TNS1: variants seen among roughly 807,000 people sequenced by gnomAD.
TNS1 encodes the protein tensin-1.
TNS1 carries 62 observed loss-of-function variants against 168.6 expected under a neutral mutation model. The observed-to-expected ratio is 0.37, with a 90% CI of 0.30 to 0.45. TNS1 has a LOEUF of 0.45. Among genes scored for constraint, TNS1 ranks in the 20% least tolerant of loss-of-function variants. TNS1 has a pLI of 1.00. For missense variants in TNS1, 2,240 were observed against 2,339.4 expected (o/e 0.96, Z 0.88); for synonymous variants, 934 against 933.2 (o/e 1.00, Z -0.02).
At chr2:217,982,487 T>G (rs1958081052) in intron 2 of TNS1, among the ~76,000 whole-genome samples, 1 of 150,158 alleles carries the variant, frequency 6.7e-6, no homozygotes, top group African/African-American at 2.5e-5. Flanking sequence ...CACTGCAATC[T>G]CCATCTACCA....
chr2:217,957,050 C>T (rs1957382712), intron 3 of TNS1, among the ~76,000 whole-genome samples: 1 of 152,186 alleles, frequency 6.6e-6, no homozygotes, highest in Admixed American at 6.5e-5. Flanking sequence ...GCAATGAAAG[C>T]ACAGGCTGGG....
At chr2:217,920,272 T>A (rs987882893) in intron 3 of TNS1, 36 bp from the exon 4 acceptor site, 1 of 702,748 alleles carries the variant, frequency 1.4e-6, no homozygotes, top group African/African-American at 1.7e-5. Flanking sequence ...GGTGAGCATA[T>A]CTTGTCTCTA....
intron 3 of TNS1, among the ~76,000 whole-genome samples, chr2:217,922,407 A>G (rs1192818116): frequency 6.6e-6 from 1 of 152,196 alleles, no homozygotes; most frequent in Non-Finnish European, 1.5e-5. Context: ...TTCCCAGGAC[A>G]GCACCCTTGC....
Position 217,959,768 on chromosome 2 carries a change from T to C in TNS1, c.186+18997A>G, listed in dbSNP as rs148847042. ...ATGAGACTGGCCCAAGGGAAGCAGC[T>C]GGGTGGGCATTAGCCGGAGGACACA... On this transcript the variant is annotated intron_variant, in intron 3 of 32. Transcript: ENST00000682258. Among the ~76,000 whole-genome samples the C allele has an allele frequency of 5.4e-3, 809 of 150,698 alleles. 5 individuals carry two copies. The highest frequency in any genetic ancestry group is 0.019 in the African/African-American group (764 of 40,982).
At chr2:217,850,642 C>G (rs763268735) in intron 18 of TNS1, 1 of 972,500 alleles carries the variant, frequency 1.0e-6, no homozygotes, top group Non-Finnish European at 1.2e-6. Flanking sequence ...CGCACCTCCC[C>G]TTACTCTAAT....
intron 1 of TNS1, among the ~76,000 whole-genome samples, chr2:218,029,918 A>G (rs1444634273): frequency 6.6e-6 from 1 of 152,182 alleles, no homozygotes; most frequent in Non-Finnish European, 1.5e-5. Flanking sequence ...TAATACAGAC[A>G]AATGCCTTCA....
At chr2:217,987,384 T>G (rs1481474877) in intron 2 of TNS1, among the ~76,000 whole-genome samples, 4 of 152,168 alleles carry the variant, frequency 2.6e-5, no homozygotes, top group Admixed American at 2.6e-4. Flanking sequence ...TCCACCCTCT[T>G]AGTTTCCTAT....
rs757912222 is a variant in TNS1, at chr2:217,848,384, C to G, written c.2133G>C (p.Glu711Asp). 5.8e-6 allele frequency: 9 copies of G among 1,562,732 alleles called. No homozygotes were observed. Among genetic ancestry groups the G allele is most frequent in the Non-Finnish European group, 7.8e-6 (9 of 1,153,116 alleles). ...APMRPSYSAQ[E>D]GLAGYQREGP... ...CCTCCCTCTGGTAGCCAGCTAAACC[C>G]TCCTGTGCAGAGTAGGAGGGCCGCA... The change falls in exon 19 of 33, where the codon GAG becomes GAC. Residue 711 changes from glutamate to aspartate, a missense_variant. Transcript: ENST00000682258.
In TNS1 at chr2:217,872,801, T is replaced by G. The variant is rs1035020591; in HGVS notation, c.1429+8097A>C. The stretch of plus-strand genomic sequence containing the variant: ...TGAAACAATGCAAATGTTCATCAAT[T>G]GATGGTGATGTATGGATAAACAAAA... On this transcript the variant is annotated intron_variant, in intron 18 of 32. Coordinates refer to ENST00000682258, the MANE Select transcript of TNS1 (RefSeq NM_001387777.1). Among the ~76,000 whole-genome samples, 28 of 152,254 alleles carry G rather than the reference T, an allele frequency of 1.8e-4. 1 individual carries two copies. Among genetic ancestry groups the G allele is most frequent in the Admixed American group, 1.8e-3 (28 of 15,286 alleles).
intron 18 of TNS1, among the ~76,000 whole-genome samples, chr2:217,876,278 T>C (rs1054537781): frequency 1.3e-5 from 2 of 152,124 alleles, no homozygotes; most frequent in Non-Finnish European, 2.9e-5. Context: ...ATTTGGAGCC[T>C]GCTTTATACA....
At chr2:217,836,244 G>A in intron 19 of TNS1, 33 bp from the exon 20 acceptor site, 1 of 1,572,506 alleles carries the variant, frequency 6.4e-7, no homozygotes, top group Non-Finnish European at 8.7e-7. Flanking sequence ...AGGACAATGA[G>A]CATTTTTGTG....
At position 217,848,190 on chromosome 2, in the gene TNS1, T is replaced by C. The variant is rs544596911; in HGVS notation, c.2327A>G (p.Gln776Arg). Reference protein sequence around the residue: ...EAVQRGLNSWQQQQQQQQQPR... With the variant: ...EAVQRGLNSWRQQQQQQQQPR... Reference sequence around the variant, plus strand: ...CTGCTGCTGCTGCTGCTGCTGCTGCTGCCACGAATTCAGTCCCCTTTGCAC... The same window carrying C: ...CTGCTGCTGCTGCTGCTGCTGCTGCCGCCACGAATTCAGTCCCCTTTGCAC... The change falls in exon 19 of 33, where the codon CAG becomes CGG. Residue 776 changes from glutamine to arginine, a missense_variant. Gln to Arg is a conservative substitution (Grantham distance 43, BLOSUM62 1). This residue lies in a region of TNS1 where 2,131 missense variants were observed against 2,171.2 expected (regional missense o/e 0.98). Coordinates refer to ENST00000682258, the MANE Select transcript of TNS1 (RefSeq NM_001387777.1). The C allele has an allele frequency of 1.9e-6, 3 of 1,602,594 alleles. No homozygotes were observed. Among genetic ancestry groups the C allele is most frequent in the Non-Finnish European group, 2.6e-6 (3 of 1,174,352 alleles).
chr2:217,886,679 G>A (rs1951234040), intron 12 of TNS1, 33 bp from the exon 13 acceptor site: 1 of 1,484,678 alleles, frequency 6.7e-7, no homozygotes, highest in Non-Finnish European at 9.2e-7. Context: ...TTCAGGGAGT[G>A]AGGTGGGTAC....
chr2:218,014,824 C>A (rs6736691), upstream of TNS1, among the ~76,000 whole-genome samples: 39,310 of 149,718 alleles, frequency 0.26, 5,448 homozygotes, highest in Middle Eastern at 0.38. Flanking sequence ...GGCCCATAAT[C>A]ATGAGTTATT....
intron 4 of TNS1, among the ~76,000 whole-genome samples, chr2:217,918,344 G>A (rs558583125): frequency 6.6e-6 from 1 of 152,284 alleles, no homozygotes; most frequent in South Asian, 2.1e-4. Flanking sequence ...GCTCTTTACC[G>A]CTGGGGAGGC....
chr2:217,974,804 T>A (rs930039788), intron 3 of TNS1, among the ~76,000 whole-genome samples: 1 of 152,166 alleles, frequency 6.6e-6, no homozygotes. Context: ...TCCCGTACCC[T>A]GCCCTTCCCA....
chr2:217,877,798 C>G (rs1345931176), intron 18 of TNS1, among the ~76,000 whole-genome samples: 1 of 152,130 alleles, frequency 6.6e-6, no homozygotes, highest in Non-Finnish European at 1.5e-5. Context: ...GCTGGCCATG[C>G]CTCACTGCCA....
At chr2:217,815,051 A>C in intron 24 of TNS1, 53 bp from the exon 25 acceptor site, 1 of 1,446,344 alleles carries the variant, frequency 6.9e-7, no homozygotes, top group Non-Finnish European at 9.6e-7. Context: ...GTTCACCCAA[A>C]ACATACATCA....
intron 1 of TNS1, among the ~76,000 whole-genome samples, chr2:218,022,127 G>T (rs937097079): frequency 1.3e-5 from 2 of 152,160 alleles, no homozygotes; most frequent in African/African-American, 4.8e-5. Context: ...TGAGAAAGAG[G>T]AATAGGCACA....
Sources: allele counts gnomAD v4.1 joint callset (sites outside exome capture counted in the v4.1 genomes callset), GRCh38; gene constraint gnomAD v4.1.1; regional missense constraint gnomAD v4.1.1; transcripts MANE v1.5; gene names NCBI Gene and HGNC (gene_info 2026-07-23, HGNC 2026-07-21).